The following LIAS variants were observed in gnomAD, a reference collection of about 807,000 sequenced individuals.
The protein encoded by LIAS is lipoyl synthase, mitochondrial.
LIAS carries 36 observed loss-of-function variants against 49.4 expected under a neutral mutation model. The observed-to-expected ratio is 0.73, with a 90% CI of 0.56 to 0.96. LIAS has a LOEUF of 0.96. Ranked by LOEUF, LIAS falls within the 40% of genes least tolerant of loss-of-function variation. The pLI, the probability that LIAS is intolerant of heterozygous loss-of-function variation, is 0.00. For synonymous variants in LIAS, 145 were observed against 155.8 expected, an observed-to-expected ratio of 0.93 and a Z score of 0.52; for missense variants, 399 against 456.3, an observed-to-expected ratio of 0.87 and a Z score of 1.14.
chr4:39,461,944 C>T (rs1211033825), intron 2 of LIAS, among the ~76,000 whole-genome samples: 1 of 152,140 alleles, frequency 6.6e-6, no homozygotes, highest in East Asian at 1.9e-4. Context: ...CCGCCCACCT[C>T]GGCCTCCCAA....
chr4:39,468,023 C>T (rs2109879534), intron 7 of LIAS: 1 of 151,864 alleles, frequency 6.6e-6, no homozygotes, highest in South Asian at 2.1e-4. Flanking sequence ...TGTTTTAATA[C>T]CCACAAATAA....
At chr4:39,474,935 G>A (rs899308445) in intron 10 of LIAS, 2 of 152,142 alleles carry the variant, frequency 1.3e-5, no homozygotes, top group South Asian at 2.1e-4. Context: ...TTGGCCAGGC[G>A]TGGTGGCTAA....
At chr4:39,465,856 AC>A (rs1744735420) in intron 6 of LIAS, among the ~76,000 whole-genome samples, 1 of 151,978 alleles carries the variant, frequency 6.6e-6, no homozygotes, top group South Asian at 2.1e-4. Flanking sequence ...ATAGGGTTTG[AC>A]CATGTTGGCC....
At position 39,477,822 on chromosome 4, in the gene LIAS, A is replaced by T. The variant is rs1167467132; in HGVS notation, c.*707A>T. 6.6e-6 allele frequency: 1 copy of T among 152,196 alleles called. No homozygotes were observed. 9.4% of individuals were successfully genotyped at this position (152,196 alleles called of 1,614,324 possible). A position where few individuals can be genotyped will look rare whatever the true frequency, so the allele number is the denominator to read the frequency against. On this transcript the variant is annotated 3_prime_UTR_variant, in exon 11 of 11. Transcript: ENST00000640888. ...ACATGATGAGACCTTATCTCTACAA[A>T]AAATTAGCCAGACGTGGTGGCACGC... is the stretch of plus-strand genomic sequence containing the variant.
At position 39,478,119 on chromosome 4, in the gene LIAS, T is replaced by C. The variant is rs1242040278; in HGVS notation, c.*1004T>C. 6.6e-6 allele frequency: 1 copy of C among 152,276 alleles called. No individual in the cohort carries two copies. The highest frequency in any genetic ancestry group is 2.4e-5 in the African/African-American group (1 of 41,474). The allele number at this position is 152,276 out of a possible 1,614,324, so 9.4% of individuals were successfully genotyped here. On this transcript the variant is annotated 3_prime_UTR_variant, in exon 11 of 11. Transcript: ENST00000640888. ...AGATTGAAACTCATCAGTTTAGCAT[T>C]TCATTCAACTTTAGCATTCATTCAA...
chr4:39,470,169 A>G lies in LIAS; in HGVS notation c.883+5A>G. The G allele has an allele frequency of 6.2e-7, 1 of 1,605,734 alleles. No individual in the cohort carries two copies. Among genetic ancestry groups the G allele is most frequent in the Non-Finnish European group, 8.5e-7 (1 of 1,174,400 alleles). ...AAGTATATGCAACAATGAAAGGTAA[A>G]GAAATTGAAAAATGAAAAATCTTTC... is the stretch of plus-strand genomic sequence containing the variant. On this transcript the variant is annotated splice_donor_5th_base_variant and intron_variant, in intron 8 of 10. Transcript: ENST00000640888.
chr4:39,463,361 G>C (rs1364407216), intron 3 of LIAS, among the ~76,000 whole-genome samples, 164 bp from the exon 4 acceptor site: 1 of 152,186 alleles, frequency 6.6e-6, no homozygotes, highest in Non-Finnish European at 1.5e-5. Flanking sequence ...TGGAATTACA[G>C]GCATGAGCCA....
At chr4:39,470,356 A>C (rs1207183818) in intron 8 of LIAS, among the ~76,000 whole-genome samples, 192 bp downstream of exon 8, 1 of 152,078 alleles carries the variant, frequency 6.6e-6, no homozygotes, top group Non-Finnish European at 1.5e-5. Context: ...AAAGGAAATA[A>C]ATTTTCTTGG....
At chr4:39,460,227 T>C (rs1469413998) in intron 1 of LIAS, among the ~76,000 whole-genome samples, 2 of 152,128 alleles carry the variant, frequency 1.3e-5, no homozygotes, top group Non-Finnish European at 2.9e-5. Flanking sequence ...AAGTGTGATA[T>C]ATGTTAGTTC....
intron 2 of LIAS, among the ~76,000 whole-genome samples, chr4:39,461,749 C>T (rs1436739082): frequency 6.6e-6 from 1 of 152,190 alleles, no homozygotes; most frequent in African/African-American, 2.4e-5. Context: ...GGTTGGAGTG[C>T]AGTGGCACAA....
At chr4:39,474,262 C>CAAAA (rs34137564) in intron 10 of LIAS, among the ~76,000 whole-genome samples, 3 of 92,398 alleles carry the variant, frequency 3.2e-5, no homozygotes, top group African/African-American at 4.3e-5. Flanking sequence ...GACTCTGTCT[C>CAAAA]AAAAAAAAAA....
At chr4:39,459,220 G>A (rs1345784701) in intron 1 of LIAS, 58 bp downstream of exon 1, 1 of 1,506,980 alleles carries the variant, frequency 6.6e-7, no homozygotes, top group Non-Finnish European at 9.1e-7. Flanking sequence ...TCCCTTCAGA[G>A]CGCCCATGCC....
In LIAS at chr4:39,460,916, A is replaced by G. The variant is rs1381913337; in HGVS notation, c.172A>G (p.Thr58Ala). The change falls in exon 2 of 11, where the codon ACC becomes GCC. Residue 58 changes from threonine to alanine, a missense_variant. Thr to Ala is a moderately conservative substitution (Grantham distance 58, BLOSUM62 0). Transcript: ENST00000640888. ...FVSGDLADRS[T>A]WDEYKGNLKR... is the part of the protein sequence containing the mutation. ...ATCTGGTGATCTTGCAGACAGGAGCACCTGGGATGAATATAAAGGAAACCT... is the reference window on the plus strand; with the variant it reads ...ATCTGGTGATCTTGCAGACAGGAGCGCCTGGGATGAATATAAAGGAAACCT... The G allele has an allele frequency of 6.2e-7, 1 of 1,612,516 alleles. No homozygotes were observed. The highest frequency in any genetic ancestry group is 1.3e-5 in the African/African-American group (1 of 74,866).
chr4:39,462,352 C>A, intron 3 of LIAS, 63 bp downstream of exon 3: 1 of 602,086 alleles, frequency 1.7e-6, no homozygotes, highest in Non-Finnish European at 2.6e-6. Flanking sequence ...GTTTATATAA[C>A]TTAAAAATTA....
chr4:39,466,165 G>A (rs371117147), intron 6 of LIAS: 1 of 150,490 alleles, frequency 6.6e-6, no homozygotes, highest in Non-Finnish European at 1.5e-5. Context: ...TTTTAGAGAC[G>A]GAATCTTGCT....
intron 1 of LIAS, 178 bp downstream of exon 1, chr4:39,459,340 G>A: frequency 1.6e-6 from 1 of 621,764 alleles, no homozygotes. Context: ...ATGATATAGA[G>A]TCTCTGGCAT....
Position 39,460,770 on chromosome 4 carries a change from A to G in LIAS, c.46-20A>G. The G allele has an allele frequency of 1.3e-6, 2 of 1,541,454 alleles. No individual in the cohort carries two copies. The highest frequency in any genetic ancestry group is 1.3e-5 in the South Asian group (1 of 78,960). On this transcript the variant is annotated intron_variant, in intron 1 of 10. Transcript: ENST00000640888. Reference sequence around the variant, plus strand: ...TTACGGACTCCACTAAATAAACGTCATAATTAACTCTTTCTTTAGGTATTT... The same window carrying G: ...TTACGGACTCCACTAAATAAACGTCGTAATTAACTCTTTCTTTAGGTATTT...
chr4:39,468,502 A>AAAAAAAAATAT (rs140159831), intron 7 of LIAS: 1 of 125,186 alleles, frequency 8.0e-6, no homozygotes, highest in African/African-American at 3.0e-5. Flanking sequence ...GGAAAAAAAA[A>AAAAAAAAATAT]ATATATATAT....
chr4:39,459,067 C>T lies in LIAS; in HGVS notation c.-51C>T. The T allele has an allele frequency of 6.2e-7, 1 of 1,603,498 alleles. No homozygotes were observed. The highest frequency in any genetic ancestry group is 1.3e-5 in the African/African-American group (1 of 74,860). ...GACGTAATTTCGACCTGTCCTTTCC[C>T]GGGAGTTAGCGATCCCTCAACCCCT... On this transcript the variant is annotated 5_prime_UTR_variant, in exon 1 of 11. Coordinates refer to ENST00000640888, the MANE Select transcript of LIAS (RefSeq NM_006859.4).
Sources: gnomAD v4.1 joint callset for allele counts (sites outside exome capture counted in the v4.1 genomes callset) on GRCh38, gnomAD v4.1.1 for gene constraint, MANE v1.5 for transcripts, NCBI Gene and HGNC (gene_info 2026-07-23, HGNC 2026-07-21) for gene names.